Variants in TRIM66 observed in about 807,000 individuals in gnomAD.
TRIM66 encodes tripartite motif-containing protein 66.
TRIM66 carries 99 observed loss-of-function variants against 148.2 expected under a neutral mutation model. The observed-to-expected ratio is 0.67, with a 90% CI of 0.57 to 0.79. TRIM66 has a LOEUF of 0.79. Ranked by LOEUF, TRIM66 falls within the 30% of genes least tolerant of loss-of-function variation. The probability of loss-of-function intolerance (pLI) is 0.00; values close to 1 mark genes in which losing one functional copy is unlikely to be tolerated. For synonymous variants in TRIM66, 616 were observed against 635.9 expected (o/e 0.97, Z 0.47); for missense variants, 1,666 against 1,697.9 (o/e 0.98, Z 0.33).
chr11:8,633,013 A>C (rs2035554633), intron 15 of TRIM66, among the ~76,000 whole-genome samples: 1 of 152,204 alleles, frequency 6.6e-6, no homozygotes, highest in East Asian at 1.9e-4. Flanking sequence ...GGTAGAAGAA[A>C]GAGGAAAGGA....
Position 8,615,576 on chromosome 11 carries a change from C to G in TRIM66, c.*2368G>C, listed in dbSNP as rs1326072564. Reference sequence around the variant, plus strand: ...ATGTTCTGGTTTTTGCATGCAAAAACAAAACAAAACCATGATTCAAAACAC... The same window carrying G: ...ATGTTCTGGTTTTTGCATGCAAAAAGAAAACAAAACCATGATTCAAAACAC... On this transcript the variant is annotated 3_prime_UTR_variant, in exon 25 of 25. Coordinates refer to ENST00000646038, the MANE Select transcript of TRIM66 (RefSeq NM_001388022.1). 6.6e-6 allele frequency: 1 copy of G among 150,968 alleles called. No homozygotes were observed. The highest frequency in any genetic ancestry group is 1.5e-5 in the Non-Finnish European group (1 of 67,812). 9.4% of individuals were successfully genotyped at this position (150,968 alleles called of 1,614,324 possible). A position where few individuals can be genotyped will look rare whatever the true frequency, so the allele number is the denominator to read the frequency against.
rs533258788 is a variant in TRIM66, at chr11:8,674,335, C to T, written c.-112+471G>A. Among the ~76,000 whole-genome samples, 18 of 152,220 alleles carry T rather than the reference C, an allele frequency of 1.2e-4. No homozygotes were observed. The South Asian group carries it at 3.3e-3, about 28-fold the overall frequency. ...ATAATAAACTTGTTATATGTTAACA[C>T]GAATAACATACTTTTTGGAAAAAAT... On this transcript the variant is annotated intron_variant, in intron 4 of 24. Transcript: ENST00000646038.
chr11:8,660,317 T>G (rs1337330230), intron 6 of TRIM66, among the ~76,000 whole-genome samples: 1 of 152,218 alleles, frequency 6.6e-6, no homozygotes, highest in Non-Finnish European at 1.5e-5. Flanking sequence ...CCCCTGCGTG[T>G]GCCTCATCCT....
chr11:8,642,888 T>C (rs1048885857), intron 13 of TRIM66, 121 bp downstream of exon 13: 21 of 365,418 alleles, frequency 5.7e-5, no homozygotes, highest in Middle Eastern at 7.6e-4. Flanking sequence ...AATGATTCCA[T>C]GACCACTGGC....
chr11:8,682,934 C>CACCCT, upstream of TRIM66: 2 of 1,357,018 alleles, frequency 1.5e-6, no homozygotes, highest in Non-Finnish European at 2.0e-6. Flanking sequence ...TGCGCATGGC[C>CACCCT]GCCTGCGGGG....
intron 11 of TRIM66, among the ~76,000 whole-genome samples, chr11:8,646,232 G>C (rs1233312962): frequency 6.6e-6 from 1 of 152,180 alleles, no homozygotes. Flanking sequence ...AGCTGCCTAA[G>C]AGACATAGCA....
chr11:8,631,200 T>A (rs2035363535), intron 15 of TRIM66, among the ~76,000 whole-genome samples: 2 of 152,216 alleles, frequency 1.3e-5, no homozygotes, highest in African/African-American at 4.8e-5. Flanking sequence ...GTCTTGATTC[T>A]GTGCCAGAAG....
chr11:8,669,238 T>C (rs2038784668), intron 6 of TRIM66, among the ~76,000 whole-genome samples: 1 of 152,226 alleles, frequency 6.6e-6, no homozygotes, highest in African/African-American at 2.4e-5. Flanking sequence ...CAGTGCTATT[T>C]ACCATTACTG....
At chr11:8,678,428 C>T (rs2039279076) in intron 3 of TRIM66, among the ~76,000 whole-genome samples, 1 of 152,184 alleles carries the variant, frequency 6.6e-6, no homozygotes, top group African/African-American at 2.4e-5. Context: ...ACTATGATCA[C>T]TAACTTTGCA....
At chr11:8,631,545 A>G (rs890834009) in intron 15 of TRIM66, among the ~76,000 whole-genome samples, 5 of 152,226 alleles carry the variant, frequency 3.3e-5, no homozygotes, top group African/African-American at 1.2e-4. Context: ...GGATGAACCA[A>G]TAAGTAATTC....
intron 13 of TRIM66, among the ~76,000 whole-genome samples, chr11:8,641,708 G>T (rs1565519927): frequency 6.6e-6 from 1 of 152,162 alleles, no homozygotes. Flanking sequence ...AATCCCCAGT[G>T]TTGGAGGTGG....
rs779079290 is a variant in TRIM66 at position 8,672,008 on chromosome 11, T to C, written c.118A>G (p.Met40Val). ...GGCAGCCCCATAAAGCTCATGCCCA[T>C]GTCCACAGCCATGCCTGTGCCCAGG... is the stretch of plus-strand genomic sequence containing the variant. ...PVLGTGMAVD[M>V]GMSFMGLPLA... The change falls in exon 6 of 25, where the codon ATG (methionine) becomes GTG (valine). Residue 40 changes from methionine (M) to valine (V), a missense_variant. Transcript: ENST00000646038. 1.5e-5 allele frequency: 23 copies of C among 1,536,060 alleles called. No individual in the cohort carries two copies. The highest frequency in any genetic ancestry group is 5.9e-5 in the South Asian group (5 of 84,062).
intron 6 of TRIM66, among the ~76,000 whole-genome samples, chr11:8,666,504 GTTT>G (rs1371102033): frequency 1.3e-5 from 2 of 151,472 alleles, no homozygotes; most frequent in African/African-American, 2.4e-5. Context: ...AGCACTTTTT[GTTT>G]TTTTACCTTT....
rs2033822443 is a variant in TRIM66 at position 8,617,904 on chromosome 11, G to A, written c.*40C>T. 1.3e-6 allele frequency: 2 copies of A among 1,544,732 alleles called. No homozygotes were observed. Among genetic ancestry groups the A allele is most frequent in the African/African-American group, 2.7e-5 (2 of 73,044 alleles). On this transcript the variant is annotated 3_prime_UTR_variant, in exon 25 of 25. Coordinates refer to ENST00000646038, the MANE Select transcript of TRIM66 (RefSeq NM_001388022.1). ...GATGGGGAGGAATGGTCGACAGTATGGGACAACAGCTGCCAGAGTGCCCAG... is the reference window on the plus strand; with the variant it reads ...GATGGGGAGGAATGGTCGACAGTATAGGACAACAGCTGCCAGAGTGCCCAG...
chr11:8,622,365 C>CACACACACACATATATATATAT, intron 18 of TRIM66, among the ~76,000 whole-genome samples: 15 of 59,602 alleles, frequency 2.5e-4, no homozygotes, highest in Middle Eastern at 8.3e-3. Flanking sequence ...CACACACACA[C>CACACACACACATATATATATAT]ATATATATAT....
In TRIM66 at chr11:8,640,591, T is replaced by C. The variant is rs2036290361; in HGVS notation, c.1784A>G (p.Gln595Arg). The change falls in exon 14 of 25, where the codon CAG becomes CGG. Residue 595 changes from glutamine (Q) to arginine (R), a missense_variant. By Grantham distance (43) the Gln-to-Arg change is conservative (BLOSUM62 1). Around this residue, in one of 3 missense-constraint regions of TRIM66, gnomAD observed 1,431 missense variants for 1,412.4 expected, o/e 1.01. Transcript: ENST00000646038. ...HHQKLKLSHF[Q>R]QQPQQQLPPP... Reference sequence around the variant, plus strand: ...TGGTAGCTGCTGCTGTGGCTGCTGCTGAAAGTGACTGAGCTTCAGCTTCTG... The same window carrying C: ...TGGTAGCTGCTGCTGTGGCTGCTGCCGAAAGTGACTGAGCTTCAGCTTCTG... 2 of 1,551,202 alleles carry C rather than the reference T, an allele frequency of 1.3e-6. No homozygotes were observed. The highest frequency in any genetic ancestry group is 1.4e-5 in the African/African-American group (1 of 73,044).
At position 8,682,561 on chromosome 11, in the gene TRIM66, A is replaced by C. The variant is rs1011456182; in HGVS notation, c.-548+40T>G. The C allele has an allele frequency of 4.6e-5, 27 of 581,900 alleles. No individual in the cohort carries two copies. In the Admixed American group the frequency reaches 8.5e-4, roughly 18 times the overall value. 36.0% of individuals were successfully genotyped at this position (581,900 alleles called of 1,614,324 possible). On this transcript the variant is annotated intron_variant, in intron 1 of 24. Coordinates refer to ENST00000646038, the MANE Select transcript of TRIM66 (RefSeq NM_001388022.1). ...ACAGCACACCTAGCCCCGATTCTTC[A>C]ACAGTTCTCGCCCTCCGAGCCTAGC... is the stretch of plus-strand genomic sequence containing the variant.
intron 17 of TRIM66, among the ~76,000 whole-genome samples, chr11:8,623,095 A>T (rs2034465772): frequency 6.6e-6 from 1 of 152,208 alleles, no homozygotes; most frequent in Admixed American, 6.5e-5. Flanking sequence ...AGATGAACAC[A>T]AGTAACACTC....
chr11:8,619,952 G>C, intron 22 of TRIM66, 98 bp downstream of exon 22: 1 of 1,120,570 alleles, frequency 8.9e-7, no homozygotes, highest in Non-Finnish European at 1.3e-6. Context: ...AGAATTTTGT[G>C]ACTCTAGAAA....
Sources: allele counts gnomAD v4.1 joint callset (sites outside exome capture counted in the v4.1 genomes callset), GRCh38; gene constraint gnomAD v4.1.1; regional missense constraint gnomAD v4.1.1; transcripts MANE v1.5; gene names NCBI Gene and HGNC (gene_info 2026-07-23, HGNC 2026-07-21).